The following EFCAB5 variants were observed in gnomAD, a reference collection of about 807,000 sequenced individuals.
EFCAB5 encodes the protein EF-hand calcium binding domain 5.
Under a neutral mutation model 167.9 loss-of-function variants are expected in EFCAB5, and 131 were observed. That is an observed-to-expected ratio of 0.78 (90% CI 0.68 to 0.90). The LOEUF (loss-of-function observed/expected upper bound fraction) is 0.90, where lower values mean the gene tolerates loss of function less well. EFCAB5 is among the 40% of genes least tolerant of loss of function. EFCAB5 has a pLI of 0.00. For synonymous variants in EFCAB5, 574 were observed against 602.8 expected (o/e 0.95, Z 0.70); for missense variants, 1,663 against 1,745.2 (o/e 0.95, Z 0.84).
chr17:30,103,120 C>A (rs2071402900), intron 22 of EFCAB5, among the ~76,000 whole-genome samples: 1 of 151,882 alleles, frequency 6.6e-6, no homozygotes, highest in Non-Finnish European at 1.5e-5. Flanking sequence ...GCGTGAGCCA[C>A]TGCATCCGGC....
intron 7 of EFCAB5, among the ~76,000 whole-genome samples, chr17:30,029,498 T>C (rs1385252579): frequency 6.6e-6 from 1 of 152,044 alleles, no homozygotes; most frequent in African/African-American, 2.4e-5. Context: ...CATCATAAAG[T>C]GGAAAAATTG....
At chr17:29,947,787 A>T (rs924508927) in intron 3 of EFCAB5, among the ~76,000 whole-genome samples, 3 of 152,022 alleles carry the variant, frequency 2.0e-5, no homozygotes, top group African/African-American at 7.2e-5. Flanking sequence ...CCTTTACCTT[A>T]ATCGCTTGGG....
intron 14 of EFCAB5, among the ~76,000 whole-genome samples, chr17:30,060,746 T>C (rs1471430480): frequency 6.6e-6 from 1 of 152,240 alleles, no homozygotes; most frequent in African/African-American, 2.4e-5. Context: ...GAGAATTTAC[T>C]TAATGAAATT....
intron 6 of EFCAB5, among the ~76,000 whole-genome samples, chr17:29,999,658 TATCCCAATCC>T (rs1200027733): frequency 3.3e-5 from 5 of 152,150 alleles, no homozygotes; most frequent in Non-Finnish European, 5.9e-5. Context: ...ATTTCTGCTT[TATCCCAATCC>T]AGACATTAAA....
At chr17:30,027,023 G>C (rs1335729203) in intron 7 of EFCAB5, among the ~76,000 whole-genome samples, 1 of 111,398 alleles carries the variant, frequency 9.0e-6, no homozygotes, top group African/African-American at 3.5e-5. Context: ...GTCTCGCTCT[G>C]TCGCCCAGGC....
chr17:30,080,017 T>C (rs1180795078), intron 15 of EFCAB5, 55 bp from the exon 16 acceptor site: 3 of 1,553,586 alleles, frequency 1.9e-6, no homozygotes, highest in Non-Finnish European at 2.6e-6. Flanking sequence ...GGGGACATGA[T>C]TAGGGGAGTT....
chr17:29,963,188 C>T (rs540503643), intron 3 of EFCAB5, among the ~76,000 whole-genome samples: 2 of 152,256 alleles, frequency 1.3e-5, no homozygotes, highest in South Asian at 4.1e-4. Flanking sequence ...GCAATTCTCC[C>T]ACCTCAGCCT....
At chr17:30,033,357 C>A (rs1257175760) in intron 7 of EFCAB5, among the ~76,000 whole-genome samples, 4 of 152,128 alleles carry the variant, frequency 2.6e-5, no homozygotes, top group Non-Finnish European at 4.4e-5. Context: ...GGATTACAGG[C>A]GTGAGCCACC....
At chr17:30,106,626 T>C (rs1050856862) in intron 22 of EFCAB5, among the ~76,000 whole-genome samples, 1 of 152,058 alleles carries the variant, frequency 6.6e-6, no homozygotes, top group African/African-American at 2.4e-5. Flanking sequence ...CTGGCTAATT[T>C]TTGTATTTTT....
chr17:30,090,810 C>T (rs2071181811), intron 20 of EFCAB5, 136 bp downstream of exon 20: 4 of 1,253,302 alleles, frequency 3.2e-6, no homozygotes, highest in Admixed American at 2.4e-5. Context: ...AAGGAATTCC[C>T]TTATGCAGTC....
At chr17:30,002,857 T>C (rs1056815425) in intron 7 of EFCAB5, among the ~76,000 whole-genome samples, 2 of 152,184 alleles carry the variant, frequency 1.3e-5, no homozygotes, top group African/African-American at 4.8e-5. Context: ...GATTGAAAAT[T>C]CTTCTATTTT....
chr17:30,016,283 G>A (rs2069040990), intron 7 of EFCAB5, among the ~76,000 whole-genome samples: 1 of 151,386 alleles, frequency 6.6e-6, no homozygotes, highest in African/African-American at 2.4e-5. Flanking sequence ...TTCTTTTGTT[G>A]ATTTTGCTTT....
chr17:30,082,591 A>G (rs541719255), intron 17 of EFCAB5, among the ~76,000 whole-genome samples: 3 of 152,138 alleles, frequency 2.0e-5, no homozygotes, highest in Admixed American at 1.3e-4. Context: ...GGGTTTCACC[A>G]TGTTGGCCAG....
In EFCAB5 at chr17:29,986,686, G is replaced by A. The variant is rs376188210; in HGVS notation, c.768-6479G>A. Among the ~76,000 whole-genome samples, 266 of 113,568 alleles carry A rather than the reference G, an allele frequency of 2.3e-3. 1 individual carries two copies. In the South Asian group the frequency reaches 0.025, roughly 11 times the overall value. 74.5% of individuals were successfully genotyped at this position (113,568 alleles called of 152,430 possible). The stretch of plus-strand genomic sequence containing the variant: ...TTTTTTGAGACGGAGTCTCGCTGTC[G>A]CCCAGGCTGGAGTGCAGTGGCGCAA... On this transcript the variant is annotated intron_variant, in intron 4 of 22. Transcript: ENST00000394835.
upstream of EFCAB5, among the ~76,000 whole-genome samples, chr17:29,937,000 A>G (rs1286194304): frequency 6.6e-6 from 1 of 152,224 alleles, no homozygotes; most frequent in African/African-American, 2.4e-5. Flanking sequence ...CAATAGCTAC[A>G]TACCAGGTGT....
chr17:29,942,405 C>A, intron 2 of EFCAB5, 103 bp downstream of exon 2: 1 of 1,112,096 alleles, frequency 9.0e-7, no homozygotes, highest in East Asian at 2.7e-5. Context: ...AAAAAGATAA[C>A]TAAAATTGCA....
At chr17:30,033,731 AAAG>A (rs1312160417) in intron 7 of EFCAB5, among the ~76,000 whole-genome samples, 2 of 152,358 alleles carry the variant, frequency 1.3e-5, no homozygotes, top group Admixed American at 6.5e-5. Context: ...CTATACTTTA[AAAG>A]AAGATCATAG....
At chr17:29,986,295 C>G (rs1231042424) in intron 4 of EFCAB5, among the ~76,000 whole-genome samples, 1 of 152,168 alleles carries the variant, frequency 6.6e-6, no homozygotes, top group Non-Finnish European at 1.5e-5. Context: ...GCTCCTACAG[C>G]GGGCCATATC....
chr17:30,037,878 C>T (rs1329859703), intron 8 of EFCAB5, among the ~76,000 whole-genome samples: 1 of 151,844 alleles, frequency 6.6e-6, no homozygotes, highest in Non-Finnish European at 1.5e-5. Flanking sequence ...TTTAAGCATC[C>T]CTATTTCCTG....
Sources: gnomAD v4.1 joint callset for allele counts (sites outside exome capture counted in the v4.1 genomes callset) on GRCh38, gnomAD v4.1.1 for gene constraint, MANE v1.5 for transcripts, NCBI Gene and HGNC (gene_info 2026-07-23, HGNC 2026-07-21) for gene names.